The following CACNA1B variants were observed in gnomAD, a reference collection of about 807,000 sequenced individuals.
CACNA1B encodes voltage-dependent N-type calcium channel subunit alpha-1B.
In CACNA1B, 70 loss-of-function variants were observed where a neutral mutation model predicts 247.2. The ratio of observed to expected loss-of-function variants is 0.28; its 90% CI spans 0.23 to 0.35. The LOEUF (loss-of-function observed/expected upper bound fraction) is 0.35. CACNA1B is among the 10% of genes least tolerant of loss of function. The pLI is 1.00. For synonymous variants in CACNA1B, 1,231 were observed against 1,294.4 expected (o/e 0.95, Z 1.05); for missense variants, 2,367 against 3,197.4 (o/e 0.74, Z 6.26).
intron 32 of CACNA1B, among the ~76,000 whole-genome samples, chr9:138,069,968 G>A (rs1331860577): frequency 2.0e-5 from 3 of 152,202 alleles, no homozygotes; most frequent in Admixed American, 1.3e-4. Context: ...TCCTGGCAGC[G>A]ATTTGATTCT....
At chr9:137,984,399 A>T in intron 13 of CACNA1B, 149 bp downstream of exon 13, 1 of 666,608 alleles carries the variant, frequency 1.5e-6, no homozygotes, top group Non-Finnish European at 2.6e-6. Context: ...GGTGGTTCCA[A>T]AACGGCCTTG....
chr9:138,104,413 C>T (rs942042669), intron 38 of CACNA1B, among the ~76,000 whole-genome samples: 13 of 152,214 alleles, frequency 8.5e-5, no homozygotes, highest in African/African-American at 2.7e-4. Context: ...GAGAGGAATT[C>T]CTTGGCCTCT....
rs762768596 is a variant in CACNA1B at position 138,014,478 on chromosome 9, C to T, written c.2267+1243C>T. 6.6e-6 allele frequency among the ~76,000 whole-genome samples: 1 copy of T among 152,088 alleles called. No homozygotes were observed. On this transcript the variant is annotated intron_variant, in intron 18 of 46. Transcript: ENST00000371372. The surrounding 1 kb of genome is among the most constrained non-coding windows in gnomAD (Gnocchi z 6.2). ...AACTTGGCAGCTGTGGACACGGTGG[C>T]CATCACGCAGAAGACTGCTGGGGGC...
intron 31 of CACNA1B, among the ~76,000 whole-genome samples, chr9:138,065,897 C>T (rs1959898162): frequency 6.6e-6 from 1 of 152,130 alleles, no homozygotes; most frequent in African/African-American, 2.4e-5. Flanking sequence ...AGTTTTAATG[C>T]TACAGCACAC....
At position 138,073,946 on chromosome 9, in the gene CACNA1B, G is replaced by A. The variant is rs1960222149; in HGVS notation, c.4792-55G>A. On this transcript the variant is annotated intron_variant, in intron 33 of 46. Coordinates refer to ENST00000371372, the MANE Select transcript of CACNA1B (RefSeq NM_000718.4). This position sits in a 1 kb window ranked among gnomAD's most constrained non-coding sequence, Gnocchi z 6.4. Reference sequence around the variant, plus strand: ...AAAGGCCCAGCCACCGTAGCAGGAGGCCTGGGCGTGGTGGCTGGGAGGTGC... The same window carrying A: ...AAAGGCCCAGCCACCGTAGCAGGAGACCTGGGCGTGGTGGCTGGGAGGTGC... 1 of 1,420,896 alleles carries A rather than the reference G, an allele frequency of 7.0e-7. No individual in the cohort carries two copies. The highest frequency in any genetic ancestry group is 9.9e-7 in the Non-Finnish European group (1 of 1,012,350). The allele number at this position is 1,420,896 out of a possible 1,614,324, so 88.0% of individuals were successfully genotyped here. A position where few individuals can be genotyped will look rare whatever the true frequency, so the allele number is the denominator to read the frequency against.
chr9:137,981,304 G>C (rs1958290794), intron 12 of CACNA1B, among the ~76,000 whole-genome samples: 1 of 152,124 alleles, frequency 6.6e-6, no homozygotes, highest in Non-Finnish European at 1.5e-5. Context: ...GATCTGGAGA[G>C]GCTAAACATA....
intron 31 of CACNA1B, among the ~76,000 whole-genome samples, chr9:138,066,573 C>G (rs1959924907): frequency 6.6e-6 from 1 of 152,164 alleles, no homozygotes; most frequent in South Asian, 2.1e-4. Flanking sequence ...GCAGAGCGAT[C>G]ACAGGGCCTG....
intron 36 of CACNA1B, among the ~76,000 whole-genome samples, chr9:138,090,642 CTATT>C (rs1293830427): frequency 1.6e-5 from 2 of 122,264 alleles, no homozygotes; most frequent in African/African-American, 3.2e-5. Context: ...ATATTGCAAA[CTATT>C]TATCTGACAA....
chr9:137,886,675 A>C (rs1356634942), intron 3 of CACNA1B, among the ~76,000 whole-genome samples: 1 of 150,964 alleles, frequency 6.6e-6, no homozygotes, highest in Non-Finnish European at 1.5e-5. Flanking sequence ...CCCAGAGAGC[A>C]GTCGGCGGGT....
Position 138,049,238 on chromosome 9 carries a change from T to C in CACNA1B, c.3633T>C (p.Pro1211=). 1 of 1,612,874 alleles carries C rather than the reference T, an allele frequency of 6.2e-7. No individual in the cohort carries two copies. The highest frequency in any genetic ancestry group is 8.5e-7 in the Non-Finnish European group (1 of 1,178,806). Residue 1211 remains proline (P), a synonymous_variant, in exon 24 of 47, where the codon CCT becomes CCC. Coordinates refer to ENST00000371372, the MANE Select transcript of CACNA1B (RefSeq NM_000718.4). The part of the protein sequence containing the change: ...KMIDLGLLLH[P]GAYFRDLWNI... Reference sequence around the variant, plus strand: ...TCGACTTGGGACTGCTGCTTCACCCTGGAGCCTATTTCCGGGACTTGTGGA... The same window carrying C: ...TCGACTTGGGACTGCTGCTTCACCCCGGAGCCTATTTCCGGGACTTGTGGA...
At chr9:137,911,549 G>A (rs892063082) in intron 3 of CACNA1B, among the ~76,000 whole-genome samples, 1 of 152,148 alleles carries the variant, frequency 6.6e-6, no homozygotes, top group African/African-American at 2.4e-5. Context: ...CCGAGTAGCT[G>A]GAATTACAGG....
chr9:138,099,983 C>T (rs138228260), intron 37 of CACNA1B, among the ~76,000 whole-genome samples: 1 of 152,262 alleles, frequency 6.6e-6, no homozygotes, highest in Non-Finnish European at 1.5e-5. Flanking sequence ...GTGAAACAGG[C>T]ACATGCTGTC....
At chr9:137,967,494 C>T (rs1316233336) in intron 10 of CACNA1B, among the ~76,000 whole-genome samples, 2 of 152,196 alleles carry the variant, frequency 1.3e-5, no homozygotes, top group African/African-American at 4.8e-5. Flanking sequence ...TTTACCTTAG[C>T]ATCTTCTCTT....
At chr9:138,082,396 A>C (rs1198917108) in intron 36 of CACNA1B, among the ~76,000 whole-genome samples, 1 of 151,362 alleles carries the variant, frequency 6.6e-6, no homozygotes, top group African/African-American at 2.4e-5. Context: ...ATGGCAGAAG[A>C]GGATTTACGG....
At position 137,899,230 on chromosome 9, in the gene CACNA1B, G is replaced by A. The variant is rs968417847; in HGVS notation, c.531-13950G>A. The stretch of plus-strand genomic sequence containing the variant: ...AGCTTCTTGGGTAGCGGGATTACAG[G>A]CGCGCTCCACCATGCCAGGCTAATT... On this transcript the variant is annotated intron_variant, in intron 3 of 46. Transcript: ENST00000371372. The surrounding 1 kb of genome is among the most constrained non-coding windows in gnomAD (Gnocchi z 5.0). Among the ~76,000 whole-genome samples the A allele has an allele frequency of 6.6e-6, 1 of 151,864 alleles. No individual in the cohort carries two copies. The highest frequency in any genetic ancestry group is 2.4e-5 in the African/African-American group (1 of 41,314).
intron 15 of CACNA1B, among the ~76,000 whole-genome samples, chr9:137,997,726 G>C (rs1958516389): frequency 6.6e-6 from 1 of 152,182 alleles, no homozygotes; most frequent in Non-Finnish European, 1.5e-5. Flanking sequence ...TTGGTGGGTT[G>C]GTAGAACCAC....
chr9:137,971,724 GC>G lies in CACNA1B; in HGVS notation c.1543+135del. ...CCCATGTTGCTCAAAGTATCCCACAGCCCTAGTCAGCCTCCAGGAGCCTCTG... is the reference window on the plus strand; with the variant it reads ...CCCATGTTGCTCAAAGTATCCCACAGCCTAGTCAGCCTCCAGGAGCCTCTG... On this transcript the variant is annotated intron_variant, in intron 11 of 46. Transcript: ENST00000371372. The surrounding 1 kb of genome is among the most constrained non-coding windows in gnomAD (Gnocchi z 4.4). 1.4e-6 allele frequency: 1 copy of G among 736,690 alleles called. No individual in the cohort carries two copies. The highest frequency in any genetic ancestry group is 2.2e-6 in the Non-Finnish European group (1 of 445,290). The allele number at this position is 736,690 out of a possible 1,614,324, so 45.6% of individuals were successfully genotyped here. A position where few individuals can be genotyped will look rare whatever the true frequency, so the allele number is the denominator to read the frequency against.
At position 138,121,749 on chromosome 9, in the gene CACNA1B, A is replaced by G; in HGVS notation, c.6770A>G (p.Asp2257Gly). 6.2e-7 allele frequency: 1 copy of G among 1,613,042 alleles called. No individual in the cohort carries two copies. Among genetic ancestry groups the G allele is most frequent in the Non-Finnish European group, 8.5e-7 (1 of 1,179,776 alleles). ...PLAPGSRIGS[D>G]PYLGQRLDSE... ...GCCCCTGGCTCTCGAATTGGCTCTGACCCTTACCTGGGGCAGCGTCTGGAC... is the reference window on the plus strand; with the variant it reads ...GCCCCTGGCTCTCGAATTGGCTCTGGCCCTTACCTGGGGCAGCGTCTGGAC... Residue 2257 changes from aspartate (D) to glycine (G), a missense_variant, in exon 47 of 47, where the codon GAC (aspartate) becomes GGC (glycine). Asp to Gly is a moderately conservative substitution (Grantham distance 94, BLOSUM62 -1). Transcript: ENST00000371372. The surrounding 1 kb of genome is among the most constrained non-coding windows in gnomAD (Gnocchi z 6.8).
chr9:138,119,174 C>T (rs886352178), intron 44 of CACNA1B, among the ~76,000 whole-genome samples: 1 of 152,156 alleles, frequency 6.6e-6, no homozygotes, highest in African/African-American at 2.4e-5. Flanking sequence ...TCCCCTCTCC[C>T]GCCCGTGGTT....
Sources: gnomAD v4.1 joint callset for allele counts (sites outside exome capture counted in the v4.1 genomes callset) on GRCh38, gnomAD v4.1.1 for gene constraint, Gnocchi (gnomAD v3.1) non-coding constraint, MANE v1.5 for transcripts, NCBI Gene and HGNC (gene_info 2026-07-23, HGNC 2026-07-21) for gene names.